Variants in MMP26 observed in about 807,000 individuals in gnomAD.
MMP26 encodes the protein matrix metallopeptidase 26.
In MMP26, 33 loss-of-function variants were observed where a neutral mutation model predicts 31.0. That is an observed-to-expected ratio of 1.06 (90% confidence interval 0.81 to 1.42). The LOEUF (loss-of-function observed/expected upper bound fraction) is 1.42, where lower values mean the gene tolerates loss of function less well. MMP26 is among the 40% of genes most tolerant of loss of function. MMP26 has a pLI of 0.00. For missense variants in MMP26, 347 were observed against 316.1 expected (o/e 1.10, Z -0.74); for synonymous variants, 122 against 114.9 (o/e 1.06, Z -0.40).
intron 2 of MMP26, among the ~76,000 whole-genome samples, chr11:4,901,148 GCTTTTTTTTT>G (rs1850794566): frequency 1.3e-5 from 1 of 76,060 alleles, no homozygotes; most frequent in Non-Finnish European, 2.6e-5. Context: ...ACCTCTTTGT[GCTTTTTTTTT>G]TTTTTTTTTT....
At chr11:4,955,188 A>G (rs1404684145) in intron 2 of MMP26, 1 of 1,303,214 alleles carries the variant, frequency 7.7e-7, no homozygotes, top group African/African-American at 1.6e-5. Context: ...GAATGGGATA[A>G]TTGGTTTTTC....
At chr11:4,895,972 G>A (rs2570575) in intron 2 of MMP26, among the ~76,000 whole-genome samples, 151,845 of 152,306 alleles carry the variant, frequency 1, 75,696 homozygotes, top group Middle Eastern at 1. Context: ...ACTTCTCCAA[G>A]TTTTAGTGAA....
intron 2 of MMP26, among the ~76,000 whole-genome samples, chr11:4,915,955 G>A (rs927073881): frequency 6.6e-6 from 1 of 151,996 alleles, no homozygotes; most frequent in Non-Finnish European, 1.5e-5. Context: ...CACCCTTTTT[G>A]CTCTTTTCTG....
chr11:4,858,250 A>G (rs1850087029), intron 2 of MMP26, among the ~76,000 whole-genome samples: 1 of 152,188 alleles, frequency 6.6e-6, no homozygotes, highest in South Asian at 2.1e-4. Flanking sequence ...AGAAAGAAAT[A>G]AAAGGTATTC....
chr11:4,781,777 G>C (rs1411127525), intron 2 of MMP26, among the ~76,000 whole-genome samples: 2 of 152,056 alleles, frequency 1.3e-5, no homozygotes, highest in Admixed American at 1.3e-4. Flanking sequence ...GGACCTGGTA[G>C]GAAGTGATTG....
chr11:4,729,102 A>T (rs1848140032), intron 1 of MMP26, among the ~76,000 whole-genome samples: 1 of 151,732 alleles, frequency 6.6e-6, no homozygotes, highest in Admixed American at 6.6e-5. Flanking sequence ...AAAATTAAAT[A>T]TTTTTCATTA....
At chr11:4,827,478 G>T (rs1300453737) in intron 2 of MMP26, among the ~76,000 whole-genome samples, 3 of 152,036 alleles carry the variant, frequency 2.0e-5, no homozygotes, top group Non-Finnish European at 4.4e-5. Flanking sequence ...TAGAAAGTAT[G>T]GGGATAGCTC....
intron 2 of MMP26, among the ~76,000 whole-genome samples, chr11:4,875,048 T>C (rs1850361180): frequency 6.6e-6 from 1 of 152,122 alleles, no homozygotes; most frequent in Admixed American, 6.6e-5. Context: ...TTCAGTAACC[T>C]GAACAATGAT....
At chr11:4,778,588 T>C (rs1306664129) in intron 2 of MMP26, among the ~76,000 whole-genome samples, 1 of 152,056 alleles carries the variant, frequency 6.6e-6, no homozygotes, top group Non-Finnish European at 1.5e-5. Context: ...TTTGCAGCAG[T>C]GCCTAGGCAA....
intron 1 of MMP26, chr11:4,724,015 C>G (rs1371387381): frequency 2.9e-6 from 2 of 696,862 alleles, no homozygotes; most frequent in Non-Finnish European, 5.2e-6. Flanking sequence ...CCCACCATAA[C>G]CTCCACCCAG....
chr11:4,862,427 T>A (rs970219164), intron 2 of MMP26, among the ~76,000 whole-genome samples: 11 of 148,340 alleles, frequency 7.4e-5, no homozygotes, highest in Admixed American at 5.3e-4. Flanking sequence ...TGAATGTCAA[T>A]CTTTCAGGAG....
At chr11:4,809,032 G>T (rs907991609) in intron 2 of MMP26, among the ~76,000 whole-genome samples, 11 of 151,820 alleles carry the variant, frequency 7.2e-5, no homozygotes, top group Non-Finnish European at 1.3e-4. Flanking sequence ...AGCATGTGAG[G>T]TTTTCAACAT....
intron 2 of MMP26, among the ~76,000 whole-genome samples, chr11:4,970,806 C>T (rs1373579469): frequency 6.6e-6 from 1 of 152,122 alleles, no homozygotes; most frequent in African/African-American, 2.4e-5. Flanking sequence ...GCATTGTGCA[C>T]CGGTGCCAGT....
chr11:4,840,355 C>A (rs1010860140), intron 2 of MMP26, among the ~76,000 whole-genome samples: 1 of 152,176 alleles, frequency 6.6e-6, no homozygotes, highest in African/African-American at 2.4e-5. Context: ...GAAGTGGTTA[C>A]AGCAGGCCTT....
chr11:4,880,504 A>G (rs970493234), intron 2 of MMP26, among the ~76,000 whole-genome samples: 2 of 152,114 alleles, frequency 1.3e-5, no homozygotes, highest in Non-Finnish European at 2.9e-5. Context: ...AGAAAAAGGC[A>G]AAAGACGATA....
chr11:4,896,684 T>A (rs1474961981), intron 2 of MMP26, among the ~76,000 whole-genome samples: 1 of 152,202 alleles, frequency 6.6e-6, no homozygotes, highest in Non-Finnish European at 1.5e-5. Flanking sequence ...CGAGGTGTTT[T>A]CCCTTTTTTA....
intron 2 of MMP26, among the ~76,000 whole-genome samples, chr11:4,966,432 C>T (rs528032090): frequency 1.3e-5 from 2 of 152,180 alleles, no homozygotes; most frequent in African/African-American, 4.8e-5. Context: ...GGATAAGGTG[C>T]CTGATTCGAT....
chr11:4,943,404 G>T, intron 2 of MMP26: 1 of 449,726 alleles, frequency 2.2e-6, no homozygotes. Flanking sequence ...TTGCCCCTAG[G>T]TGCTGTGTAG....
At chr11:4,729,547 TA>T (rs1305604615) in intron 1 of MMP26, among the ~76,000 whole-genome samples, 1 of 152,154 alleles carries the variant, frequency 6.6e-6, no homozygotes, top group Non-Finnish European at 1.5e-5. Context: ...AGAATACGGT[TA>T]ACATGGAAGG....
Sources: allele counts gnomAD v4.1 joint callset (sites outside exome capture counted in the v4.1 genomes callset), GRCh38; gene constraint gnomAD v4.1.1; transcripts MANE v1.5; gene names NCBI Gene and HGNC (gene_info 2026-07-23, HGNC 2026-07-21).